The following MPPED1 variants were observed in gnomAD, a reference collection of about 807,000 sequenced individuals.
MPPED1 encodes the protein metallophosphoesterase domain-containing protein 1.
A neutral mutation model predicts 36.2 loss-of-function variants in MPPED1; 16 were observed. That is an observed-to-expected ratio of 0.44 (90% CI 0.30 to 0.67). The LOEUF (loss-of-function observed/expected upper bound fraction) is 0.67. Among genes scored for constraint, MPPED1 ranks in the 30% least tolerant of loss-of-function variants. The pLI is 0.10. For synonymous variants in MPPED1, 199 were observed against 191.3 expected, an observed-to-expected ratio of 1.04 and a Z score of -0.33; for missense variants, 307 against 453.4, an observed-to-expected ratio of 0.68 and a Z score of 2.93.
At chr22:43,422,883 C>T (rs1377078832) in intron 1 of MPPED1, among the ~76,000 whole-genome samples, 1 of 152,162 alleles carries the variant, frequency 6.6e-6, no homozygotes, top group South Asian at 2.1e-4. Context: ...AGTCTCAAGG[C>T]TGGAGTGCAG....
rs571108966 is a variant in MPPED1, at chr22:43,454,089, G to A, written c.406+18874G>A. ...AGTGGTGCGATCTAGGCTCACTGCA[G>A]CCTCTGCCTCCCTGGTTCAAGCGAT... On this transcript the variant is annotated intron_variant, in intron 3 of 6. Coordinates refer to ENST00000443721, the MANE Select transcript of MPPED1 (RefSeq NM_001044370.2). Among the ~76,000 whole-genome samples, 391 of 151,536 alleles carry A rather than the reference G, an allele frequency of 2.6e-3. 2 individuals are homozygous for A. The highest frequency in any genetic ancestry group is 4.4e-3 in the Non-Finnish European group (299 of 67,920).
At chr22:43,500,402 A>ATGGTGGTGGTGGAGGTGGTGGTG (rs1410482787) in intron 5 of MPPED1, among the ~76,000 whole-genome samples, 3 of 27,938 alleles carry the variant, frequency 1.1e-4, no homozygotes, top group Admixed American at 6.8e-4. Flanking sequence ...TGGAGGTGGT[A>ATGGTGGTGGTGGAGGTGGTGGTG]GTGGTGGTGA....
intron 1 of MPPED1, among the ~76,000 whole-genome samples, chr22:43,413,081 C>G (rs541060242): frequency 6.6e-6 from 1 of 152,246 alleles, no homozygotes. Flanking sequence ...GCTGACCTCT[C>G]TGGGATGTCT....
At chr22:43,471,498 C>G (rs771049242) in intron 3 of MPPED1, among the ~76,000 whole-genome samples, 4 of 152,216 alleles carry the variant, frequency 2.6e-5, no homozygotes, top group Non-Finnish European at 5.9e-5. Flanking sequence ...AGCCTTTGAG[C>G]CTCATTCTGC....
chr22:43,442,209 C>T (rs1197455206), intron 3 of MPPED1, among the ~76,000 whole-genome samples: 1 of 151,972 alleles, frequency 6.6e-6, no homozygotes, highest in African/African-American at 2.4e-5. Flanking sequence ...GGGAAGGTCC[C>T]CATCCCAGAG....
intron 3 of MPPED1, among the ~76,000 whole-genome samples, chr22:43,463,829 T>G (rs1931051990): frequency 1.4e-5 from 2 of 141,350 alleles, no homozygotes; most frequent in African/African-American, 2.7e-5. Flanking sequence ...CTTTCTTTCT[T>G]TCTTTCTTTC....
intron 3 of MPPED1, among the ~76,000 whole-genome samples, chr22:43,437,203 T>A (rs1196991769): frequency 2.0e-5 from 3 of 152,168 alleles, no homozygotes; most frequent in African/African-American, 7.2e-5. Context: ...GTGGGCCAGG[T>A]CCCCAGAGTT....
intron 4 of MPPED1, among the ~76,000 whole-genome samples, chr22:43,486,066 G>C (rs1931904199): frequency 6.6e-6 from 1 of 152,246 alleles, no homozygotes; most frequent in Non-Finnish European, 1.5e-5. Context: ...ACCAGGACTG[G>C]GCAGAGGACA....
intron 5 of MPPED1, among the ~76,000 whole-genome samples, chr22:43,500,272 A>AGGTGGAGGTGGTGAT (rs1344606345): frequency 2.4e-4 from 2 of 8,254 alleles, no homozygotes; most frequent in Non-Finnish European, 4.0e-4. Flanking sequence ...ATGGTGATGG[A>AGGTGGAGGTGGTGAT]GGTGGCGGTG....
chr22:43,446,572 C>G (rs1224215026), intron 3 of MPPED1, among the ~76,000 whole-genome samples: 1 of 152,084 alleles, frequency 6.6e-6, no homozygotes, highest in African/African-American at 2.4e-5. Flanking sequence ...GCTGGAACCC[C>G]ACGGAGAGTC....
At chr22:43,437,323 G>T (rs189985742) in intron 3 of MPPED1, among the ~76,000 whole-genome samples, 2 of 152,170 alleles carry the variant, frequency 1.3e-5, no homozygotes, top group Non-Finnish European at 2.9e-5. Flanking sequence ...GCTGGGTGCT[G>T]TTCTATACCC....
chr22:43,414,887 T>C (rs547429295), intron 1 of MPPED1, among the ~76,000 whole-genome samples: 43 of 152,198 alleles, frequency 2.8e-4, no homozygotes, highest in Admixed American at 1.4e-3. Context: ...TGCAGAGGCC[T>C]GGGAATAGCT....
intron 5 of MPPED1, among the ~76,000 whole-genome samples, chr22:43,499,546 GGGT>G (rs1932558555): frequency 7.8e-6 from 1 of 128,080 alleles, no homozygotes; most frequent in Non-Finnish European, 1.7e-5. Context: ...TGGTGATGGT[GGGT>G]GGTGGTGGAG....
At chr22:43,494,199 C>G (rs1029323753) in intron 4 of MPPED1, among the ~76,000 whole-genome samples, 2 of 152,116 alleles carry the variant, frequency 1.3e-5, no homozygotes, top group Non-Finnish European at 2.9e-5. Context: ...TCATGCCCGA[C>G]TAATTTTTTA....
chr22:43,470,348 T>C (rs1931331823), intron 3 of MPPED1, among the ~76,000 whole-genome samples: 1 of 152,020 alleles, frequency 6.6e-6, no homozygotes, highest in African/African-American at 2.4e-5. Flanking sequence ...CATCCATGTA[T>C]GCATCTATAT....
At chr22:43,499,059 T>C (rs919387914) in intron 5 of MPPED1, among the ~76,000 whole-genome samples, 1 of 150,456 alleles carries the variant, frequency 6.6e-6, no homozygotes, top group Non-Finnish European at 1.5e-5. Flanking sequence ...GTGATGGAGG[T>C]AGTGGTGATG....
chr22:43,453,437 G>A (rs977211870), intron 3 of MPPED1, among the ~76,000 whole-genome samples: 17 of 151,966 alleles, frequency 1.1e-4, no homozygotes, highest in Non-Finnish European at 1.8e-4. Context: ...CAGGGTCTTT[G>A]GCCAAACCCA....
intron 3 of MPPED1, among the ~76,000 whole-genome samples, chr22:43,440,130 G>A (rs924788146): frequency 2.0e-5 from 3 of 152,236 alleles, no homozygotes; most frequent in Non-Finnish European, 4.4e-5. Context: ...CCCCGCTGAC[G>A]CAGCCCTGTC....
At chr22:43,488,797 C>A (rs1205737720) in intron 4 of MPPED1, among the ~76,000 whole-genome samples, 2 of 152,346 alleles carry the variant, frequency 1.3e-5, no homozygotes, top group African/African-American at 4.8e-5. Context: ...GGACATAAAG[C>A]CGCCTTCCAT....
Sources: allele counts gnomAD v4.1 joint callset (sites outside exome capture counted in the v4.1 genomes callset), GRCh38; gene constraint gnomAD v4.1.1; transcripts MANE v1.5; gene names NCBI Gene and HGNC (gene_info 2026-07-23, HGNC 2026-07-21).